Variants in DLGAP4 observed in about 807,000 individuals in gnomAD.
The protein encoded by DLGAP4 is disks large-associated protein 4.
DLGAP4 carries 18 observed loss-of-function variants against 86.9 expected under a neutral mutation model. The ratio of observed to expected loss-of-function variants is 0.21; its 90% CI spans 0.14 to 0.31. The LOEUF is 0.31. Among genes scored for constraint, DLGAP4 ranks in the 10% least tolerant of loss-of-function variants. The pLI is 1.00. For synonymous variants in DLGAP4, 548 were observed against 574.3 expected, an observed-to-expected ratio of 0.95 and a Z score of 0.65; for missense variants, 1,085 against 1,362.6, an observed-to-expected ratio of 0.80 and a Z score of 3.21.
chr20:36,412,263 C>T (rs1023936933), intron 2 of DLGAP4, among the ~76,000 whole-genome samples: 4 of 152,254 alleles, frequency 2.6e-5, no homozygotes, highest in Admixed American at 2.0e-4. Context: ...CTCCAGAATC[C>T]GCCTGCCCTG....
Position 36,313,313 on chromosome 20 carries a change from C to T in DLGAP4, c.-304+6801C>T, listed in dbSNP as rs1024560731. 3.9e-5 allele frequency among the ~76,000 whole-genome samples: 6 copies of T among 152,314 alleles called. No individual in the cohort carries two copies. In the South Asian group the frequency reaches 1.2e-3, roughly 32 times the overall value. On this transcript the variant is annotated intron_variant, in intron 1 of 12. Coordinates refer to ENST00000339266, the MANE Select transcript of DLGAP4 (RefSeq NM_001365621.2). The stretch of plus-strand genomic sequence containing the variant: ...AGCTGCCTGCCTGCCTTTCTCCCTC[C>T]GTGGCTGCCACTAAGCCCTGGCACC...
At chr20:36,309,895 C>T (rs1229970883) in intron 1 of DLGAP4, among the ~76,000 whole-genome samples, 3 of 152,240 alleles carry the variant, frequency 2.0e-5, no homozygotes, top group Non-Finnish European at 4.4e-5. Context: ...AAACTGTAGC[C>T]ATCCTGCCAG....
At position 36,436,344 on chromosome 20, in the gene DLGAP4, C is replaced by G. The variant is rs2033275354; in HGVS notation, c.1235C>G (p.Pro412Arg). 6.3e-7 allele frequency: 1 copy of G among 1,593,296 alleles called. No individual in the cohort carries two copies. Among genetic ancestry groups the G allele is most frequent in the Non-Finnish European group, 8.5e-7 (1 of 1,173,428 alleles). The change falls in exon 4 of 13, where the codon CCC becomes CGC. Residue 412 changes from proline (P) to arginine (R), a missense_variant. By Grantham distance (103) the Pro-to-Arg change is moderately radical. Around this residue, in one of 2 missense-constraint regions of DLGAP4, gnomAD observed 1,082 missense variants for 1,344.1 expected, o/e 0.81. Transcript: ENST00000339266. The stretch of plus-strand genomic sequence containing the variant: ...CAGTCGCTGGGAGAGCAGAGCAACC[C>G]CCGCAGGTAGGCGCGCAGCTCCACC... The part of the protein sequence containing the change: ...TQQSLGEQSN[P>R]RRSLDRLDSV...
At chr20:36,412,471 G>A (rs2032526297) in intron 2 of DLGAP4, among the ~76,000 whole-genome samples, 1 of 152,258 alleles carries the variant, frequency 6.6e-6, no homozygotes, top group South Asian at 2.1e-4. Context: ...GAGCTGAGAA[G>A]CAGCACAGGA....
chr20:36,307,581 A>C (rs2065016607), intron 1 of DLGAP4, among the ~76,000 whole-genome samples: 1 of 152,060 alleles, frequency 6.6e-6, no homozygotes, highest in East Asian at 1.9e-4. Flanking sequence ...TGGGTAGAGG[A>C]GGTGCCCTGA....
At chr20:36,368,997 A>G (rs750071806) in intron 2 of DLGAP4, among the ~76,000 whole-genome samples, 21 of 152,188 alleles carry the variant, frequency 1.4e-4, no homozygotes, top group Non-Finnish European at 2.8e-4. Flanking sequence ...AGCAGAGCAG[A>G]CAGCCCCTGG....
At chr20:36,508,058 G>A (rs976664907) in intron 10 of DLGAP4, 28 of 152,152 alleles carry the variant, frequency 1.8e-4, no homozygotes, top group African/African-American at 6.8e-4. Flanking sequence ...ACCTAGCCCT[G>A]GAAGTCACGT....
chr20:36,459,669 G>A (rs551970967), intron 7 of DLGAP4, among the ~76,000 whole-genome samples: 5 of 152,128 alleles, frequency 3.3e-5, no homozygotes, highest in Non-Finnish European at 7.4e-5. Flanking sequence ...GTGCAATGGC[G>A]CAATCTTGGC....
At chr20:36,334,355 C>T (rs1223405004) in intron 1 of DLGAP4, among the ~76,000 whole-genome samples, 1 of 152,084 alleles carries the variant, frequency 6.6e-6, no homozygotes, top group Non-Finnish European at 1.5e-5. Flanking sequence ...CCTGCAAAGG[C>T]CACGAGGTGA....
intron 1 of DLGAP4, among the ~76,000 whole-genome samples, chr20:36,310,580 G>A (rs1357169016): frequency 6.6e-6 from 1 of 152,144 alleles, no homozygotes; most frequent in South Asian, 2.1e-4. Flanking sequence ...GCATCTGGTG[G>A]GCTGTCCTCC....
chr20:36,425,893 C>G (rs1236477411), intron 2 of DLGAP4, among the ~76,000 whole-genome samples: 1 of 152,070 alleles, frequency 6.6e-6, no homozygotes, highest in Non-Finnish European at 1.5e-5. Context: ...GATATTAACC[C>G]AAAACAATTG....
At chr20:36,315,067 G>GTGTGGTA (rs2065086034) in intron 1 of DLGAP4, among the ~76,000 whole-genome samples, 2 of 45,226 alleles carry the variant, frequency 4.4e-5, no homozygotes, top group Non-Finnish European at 9.3e-5. Flanking sequence ...CGTGTGTGGT[G>GTGTGGTA]TGATGTGTGT....
intron 2 of DLGAP4, among the ~76,000 whole-genome samples, chr20:36,396,361 CGCACAT>C (rs2031959953): frequency 5.8e-5 from 2 of 34,512 alleles, no homozygotes; most frequent in Non-Finnish European, 1.1e-4. Flanking sequence ...ACATACCACA[CGCACAT>C]ACACACACCC....
At chr20:36,325,637 A>G (rs1331141197) in intron 1 of DLGAP4, among the ~76,000 whole-genome samples, 6 of 152,084 alleles carry the variant, frequency 3.9e-5, no homozygotes, top group African/African-American at 1.4e-4. Flanking sequence ...TATTCAATAC[A>G]TACATATTTA....
At chr20:36,451,384 TC>T (rs1369363619) in intron 7 of DLGAP4, among the ~76,000 whole-genome samples, 5 of 152,200 alleles carry the variant, frequency 3.3e-5, no homozygotes, top group African/African-American at 7.2e-5. Flanking sequence ...AGTCTCGCTC[TC>T]TGTCGCCCAG....
chr20:36,485,879 C>T (rs1036558623), intron 7 of DLGAP4, among the ~76,000 whole-genome samples: 2 of 152,182 alleles, frequency 1.3e-5, no homozygotes, highest in African/African-American at 4.8e-5. Context: ...TTTTCACACA[C>T]TTTCCATTGC....
chr20:36,330,186 A>G (rs2065253456), intron 1 of DLGAP4, among the ~76,000 whole-genome samples: 1 of 152,232 alleles, frequency 6.6e-6, no homozygotes, highest in South Asian at 2.1e-4. Context: ...ATTAAAACAC[A>G]GTGTGTCTCG....
At chr20:36,314,243 T>A (rs1236011727) in intron 1 of DLGAP4, among the ~76,000 whole-genome samples, 1 of 150,012 alleles carries the variant, frequency 6.7e-6, no homozygotes, top group Non-Finnish European at 1.5e-5. Context: ...CCCTCATAGA[T>A]CTGGTTCACA....
chr20:36,461,701 CCCTCCT>C (rs1175791446), intron 7 of DLGAP4: 87 of 678,232 alleles, frequency 1.3e-4, no homozygotes, highest in African/African-American at 2.9e-4. Flanking sequence ...CCCGCCCTCG[CCCTCCT>C]CCTCCTCCTC....
Sources: allele counts gnomAD v4.1 joint callset (sites outside exome capture counted in the v4.1 genomes callset), GRCh38; gene constraint gnomAD v4.1.1; regional missense constraint gnomAD v4.1.1; transcripts MANE v1.5; gene names NCBI Gene and HGNC (gene_info 2026-07-23, HGNC 2026-07-21).